The following TRAPPC9 variants were observed in gnomAD, a reference collection of about 807,000 sequenced individuals.
The protein encoded by TRAPPC9 is trafficking protein particle complex subunit 9, also known as IKK2 binding protein.
Under a neutral mutation model 124.0 loss-of-function variants are expected in TRAPPC9, and 83 were observed. That is an observed-to-expected ratio of 0.67 (90% CI 0.56 to 0.80). TRAPPC9 has a LOEUF of 0.80. Ranked by LOEUF, TRAPPC9 falls within the 30% of genes least tolerant of loss-of-function variation. The pLI is 0.00. For missense variants in TRAPPC9, 1,302 were observed against 1,508.3 expected, an observed-to-expected ratio of 0.86 and a Z score of 2.27; for synonymous variants, 638 against 617.5, an observed-to-expected ratio of 1.03 and a Z score of -0.49.
intron 19 of TRAPPC9, among the ~76,000 whole-genome samples, chr8:139,923,325 C>T (rs887755673): frequency 1.3e-5 from 2 of 152,248 alleles, no homozygotes; most frequent in Admixed American, 1.3e-4. Context: ...CAGTGTGACC[C>T]TGTGACAACA....
At chr8:140,208,316 G>T (rs923125085) in intron 17 of TRAPPC9, among the ~76,000 whole-genome samples, 1 of 152,124 alleles carries the variant, frequency 6.6e-6, no homozygotes, top group African/African-American at 2.4e-5. Flanking sequence ...GATGCTTGTG[G>T]TCCAGTCCTA....
At chr8:140,313,313 A>G (rs1423588480) in intron 9 of TRAPPC9, among the ~76,000 whole-genome samples, 1 of 152,162 alleles carries the variant, frequency 6.6e-6, no homozygotes, top group Non-Finnish European at 1.5e-5. Context: ...CACTCTCGGT[A>G]AATGCTGCTG....
intron 15 of TRAPPC9, among the ~76,000 whole-genome samples, chr8:140,273,153 A>G (rs990325522): frequency 7.2e-5 from 11 of 151,820 alleles, no homozygotes; most frequent in African/African-American, 2.7e-4. Context: ...GAGCCGGGAC[A>G]CTCCTCTGAG....
At chr8:140,174,830 G>A (rs2062031308) in intron 17 of TRAPPC9, among the ~76,000 whole-genome samples, 1 of 152,140 alleles carries the variant, frequency 6.6e-6, no homozygotes, top group East Asian at 1.9e-4. Flanking sequence ...GGGCATTTCG[G>A]TTGTTTCCAC....
At chr8:140,229,432 T>G (rs558947506) in intron 16 of TRAPPC9, among the ~76,000 whole-genome samples, 21 of 151,800 alleles carry the variant, frequency 1.4e-4, no homozygotes, top group African/African-American at 4.6e-4. Flanking sequence ...TGGCTAATTT[T>G]TTTTCGTATT....
rs190957413 is a variant in TRAPPC9, at chr8:139,851,640, G to A, written c.3055+34239C>T. Among the ~76,000 whole-genome samples, 461 of 152,268 alleles carry A rather than the reference G, an allele frequency of 3.0e-3. 4 individuals carry two copies. Among genetic ancestry groups the A allele is most frequent in the African/African-American group, 0.01 (429 of 41,552 alleles). Reference sequence around the variant, plus strand: ...CAGCCTGGGAATCCTGGAGAGTGCCGGAAAACCGAACCCAACGTTCAAAAG... The same window carrying A: ...CAGCCTGGGAATCCTGGAGAGTGCCAGAAAACCGAACCCAACGTTCAAAAG... On this transcript the variant is annotated intron_variant, in intron 21 of 22. Coordinates refer to ENST00000438773, the MANE Select transcript of TRAPPC9 (RefSeq NM_001160372.4).
intron 20 of TRAPPC9, among the ~76,000 whole-genome samples, chr8:139,899,204 G>A (rs1830864794): frequency 1.3e-5 from 2 of 151,792 alleles, no homozygotes; most frequent in African/African-American, 4.8e-5. Context: ...ACAGCATGGG[G>A]TCAGGGGTGT....
intron 15 of TRAPPC9, among the ~76,000 whole-genome samples, chr8:140,272,132 A>AT (rs2064932345): frequency 1.4e-5 from 2 of 138,630 alleles, no homozygotes; most frequent in Admixed American, 7.3e-5. Context: ...GATGGTGGCG[A>AT]TGGTGATGGT....
chr8:140,000,090 A>C (rs144865465), intron 18 of TRAPPC9, among the ~76,000 whole-genome samples: 143,486 of 152,270 alleles, frequency 0.94, 67,722 homozygotes, highest in Middle Eastern at 1. Flanking sequence ...CATCTACAAC[A>C]ACCTGATCTT....
chr8:140,275,824 A>C lies in TRAPPC9; in HGVS notation c.2115-3T>G, dbSNP rs184132283. ...AAGGTTGCAATGAATGTGCAGATCT[A>C]AAATAAGAAGAAGAAATTTAAAGAA... On this transcript the variant is annotated splice_region_variant and splice_polypyrimidine_tract_variant and intron_variant, in intron 14 of 22. Transcript: ENST00000438773. 1.9e-6 allele frequency: 3 copies of C among 1,609,524 alleles called. No individual in the cohort carries two copies. The highest frequency in any genetic ancestry group is 2.6e-6 in the Non-Finnish European group (3 of 1,175,996).
intron 9 of TRAPPC9, among the ~76,000 whole-genome samples, chr8:140,355,924 T>G (rs1481124467): frequency 1.3e-5 from 2 of 152,176 alleles, no homozygotes; most frequent in East Asian, 1.9e-4. Context: ...AAAGATCACA[T>G]GAGGAAAAGG....
chr8:139,990,072 A>G (rs1447129405), intron 18 of TRAPPC9, among the ~76,000 whole-genome samples: 1 of 152,194 alleles, frequency 6.6e-6, no homozygotes, highest in East Asian at 1.9e-4. Context: ...GGTCATTATT[A>G]TCAGCCTAGT....
chr8:140,396,050 C>T (rs190935362), intron 7 of TRAPPC9, among the ~76,000 whole-genome samples: 1 of 152,058 alleles, frequency 6.6e-6, no homozygotes, highest in Admixed American at 6.5e-5. Context: ...CTGGGCTCCC[C>T]AAGGGCCTCT....
At chr8:140,109,763 A>G (rs1206011309) in intron 17 of TRAPPC9, among the ~76,000 whole-genome samples, 2 of 152,186 alleles carry the variant, frequency 1.3e-5, no homozygotes, top group Non-Finnish European at 2.9e-5. Flanking sequence ...TTGCCAACCA[A>G]TAACCTCTCC....
intron 17 of TRAPPC9, among the ~76,000 whole-genome samples, chr8:140,175,355 G>A (rs1183397748): frequency 6.6e-6 from 1 of 151,696 alleles, no homozygotes; most frequent in East Asian, 1.9e-4. Flanking sequence ...ATTGGCATAA[G>A]AGACGCCACA....
chr8:139,993,990 G>C, intron 18 of TRAPPC9, among the ~76,000 whole-genome samples: 1 of 152,094 alleles, frequency 6.6e-6, no homozygotes, highest in Admixed American at 6.5e-5. Context: ...ATTAAAAATG[G>C]ACAAGTCTGT....
chr8:140,272,149 GGTA>G (rs1157616362), intron 15 of TRAPPC9, among the ~76,000 whole-genome samples: 4 of 151,692 alleles, frequency 2.6e-5, no homozygotes, highest in Non-Finnish European at 4.4e-5. Flanking sequence ...TGGTGATGGT[GGTA>G]GCAGTGATGG....
At chr8:139,899,896 T>C (rs183024970) in intron 20 of TRAPPC9, among the ~76,000 whole-genome samples, 3 of 152,150 alleles carry the variant, frequency 2.0e-5, no homozygotes, top group Non-Finnish European at 4.4e-5. Context: ...CTGCCCTATA[T>C]GTACATTTGG....
intron 18 of TRAPPC9, among the ~76,000 whole-genome samples, chr8:140,014,655 G>A (rs867169362): frequency 3.3e-5 from 5 of 152,110 alleles, no homozygotes; most frequent in East Asian, 3.9e-4. Context: ...TCTGTCCAGC[G>A]GCAGAATAGA....
Sources: allele counts gnomAD v4.1 joint callset (sites outside exome capture counted in the v4.1 genomes callset), GRCh38; gene constraint gnomAD v4.1.1; transcripts MANE v1.5; gene names NCBI Gene and HGNC (gene_info 2026-07-23, HGNC 2026-07-21).